KCNIP1: variants seen among roughly 807,000 people sequenced by gnomAD.
KCNIP1 encodes A-type potassium channel modulatory protein KCNIP1.
In KCNIP1, 18 loss-of-function variants were observed where a neutral mutation model predicts 33.0. The observed-to-expected ratio is 0.55, with a 90% CI of 0.38 to 0.81. The LOEUF is 0.81. Ranked by LOEUF, KCNIP1 falls within the 30% of genes least tolerant of loss-of-function variation. The pLI, the probability that KCNIP1 is intolerant of heterozygous loss-of-function variation, is 0.00. For synonymous variants in KCNIP1, 93 were observed against 98.3 expected (o/e 0.95, Z 0.32); for missense variants, 238 against 271.6 (o/e 0.88, Z 0.87).
intron 1 of KCNIP1, among the ~76,000 whole-genome samples, chr5:170,557,498 C>T (rs1319684888): frequency 6.6e-6 from 1 of 152,158 alleles, no homozygotes; most frequent in South Asian, 2.1e-4. Context: ...GAGCCTCCTG[C>T]TGTGTCCCAA....
At chr5:170,621,290 T>G (rs1463054509) in intron 1 of KCNIP1, among the ~76,000 whole-genome samples, 1 of 152,160 alleles carries the variant, frequency 6.6e-6, no homozygotes, top group Non-Finnish European at 1.5e-5. Flanking sequence ...GTTGAGATTT[T>G]TATCATCATT....
intron 1 of KCNIP1, among the ~76,000 whole-genome samples, chr5:170,387,873 T>C (rs757961288): frequency 3.3e-5 from 5 of 152,234 alleles, no homozygotes; most frequent in African/African-American, 9.6e-5. Flanking sequence ...CCACCCCAGA[T>C]ACTGTGAGAC....
intron 1 of KCNIP1, among the ~76,000 whole-genome samples, chr5:170,533,505 C>A (rs1755858982): frequency 6.6e-6 from 1 of 152,192 alleles, no homozygotes; most frequent in African/African-American, 2.4e-5. Flanking sequence ...GAGCCTTAAC[C>A]ACTGGGCTGT....
chr5:170,451,646 A>T (rs1483892179), intron 1 of KCNIP1, among the ~76,000 whole-genome samples: 1 of 151,636 alleles, frequency 6.6e-6, no homozygotes, highest in Non-Finnish European at 1.5e-5. Flanking sequence ...TGTATTTCTG[A>T]TAGGGAGCAT....
chr5:170,554,140 T>A (rs1015664941), intron 1 of KCNIP1, among the ~76,000 whole-genome samples: 1 of 152,140 alleles, frequency 6.6e-6, no homozygotes, highest in Non-Finnish European at 1.5e-5. Context: ...CAAAGTTTTT[T>A]TTTTTAATTT....
chr5:170,600,358 A>G (rs868535695), intron 1 of KCNIP1, among the ~76,000 whole-genome samples: 5 of 152,304 alleles, frequency 3.3e-5, no homozygotes, highest in African/African-American at 7.2e-5. Flanking sequence ...GCTTTAGCAC[A>G]GCTGTTCCCT....
intron 1 of KCNIP1, among the ~76,000 whole-genome samples, chr5:170,577,769 A>C (rs887737515): frequency 1.2e-4 from 19 of 152,236 alleles, no homozygotes; most frequent in African/African-American, 4.3e-4. Flanking sequence ...AGAAATGAGC[A>C]CATTTATAAG....
intron 1 of KCNIP1, among the ~76,000 whole-genome samples, chr5:170,513,684 G>C (rs1288826707): frequency 6.6e-6 from 1 of 152,206 alleles, no homozygotes; most frequent in Non-Finnish European, 1.5e-5. Context: ...TGCAACTAGA[G>C]ACTTGCCTGC....
rs117756015 is a variant in KCNIP1, at chr5:170,608,318, G to A, written c.61+103685G>A. Among the ~76,000 whole-genome samples, 10 of 152,304 alleles carry A rather than the reference G, an allele frequency of 6.6e-5. No individual in the cohort carries two copies. The East Asian group carries it at 1.5e-3, about 23-fold the overall frequency. Reference sequence around the variant, plus strand: ...CCAACTCTGGGGCAGCAGATCTTTTGGGCTTCATGTCATAGTATTGTAAAG... The same window carrying A: ...CCAACTCTGGGGCAGCAGATCTTTTAGGCTTCATGTCATAGTATTGTAAAG... On this transcript the variant is annotated intron_variant, in intron 1 of 7. Coordinates refer to ENST00000328939, the MANE Select transcript of KCNIP1 (RefSeq NM_014592.4).
At chr5:170,421,459 C>T (rs114447994) in intron 1 of KCNIP1, among the ~76,000 whole-genome samples, 1 of 152,118 alleles carries the variant, frequency 6.6e-6, no homozygotes, top group African/African-American at 2.4e-5. Flanking sequence ...GCCTTATATA[C>T]CATAGAAATG....
chr5:170,627,819 G>A (rs114270007), intron 1 of KCNIP1, among the ~76,000 whole-genome samples: 5,008 of 152,310 alleles, frequency 0.033, 110 homozygotes, highest in Non-Finnish European at 0.047. Context: ...CTCCTGCTTC[G>A]AGGGACAGGG....
chr5:170,707,787 G>GT lies in KCNIP1; in HGVS notation c.62-10960dup, dbSNP rs550563025. On this transcript the variant is annotated intron_variant, in intron 1 of 7. Coordinates refer to ENST00000328939, the MANE Select transcript of KCNIP1 (RefSeq NM_014592.4). ...CTAATGGAAGCAGAAACACTCAAAG[G>GT]TTTTTTTTTTTGGACTCCCTTTTTC... 7.2e-3 allele frequency among the ~76,000 whole-genome samples: 1,042 copies of GT among 145,210 alleles called. 8 individuals carry two copies. Among genetic ancestry groups the GT allele is most frequent in the Non-Finnish European group, 6.9e-3 (451 of 65,650 alleles).
At chr5:170,590,743 C>G (rs1384222249) in intron 1 of KCNIP1, among the ~76,000 whole-genome samples, 1 of 152,250 alleles carries the variant, frequency 6.6e-6, no homozygotes, top group Non-Finnish European at 1.5e-5. Flanking sequence ...CTGTAACAAA[C>G]AGCCCCAAGT....
At chr5:170,402,707 T>C (rs1754939201) in intron 1 of KCNIP1, among the ~76,000 whole-genome samples, 1 of 152,192 alleles carries the variant, frequency 6.6e-6, no homozygotes, top group South Asian at 2.1e-4. Flanking sequence ...CAAGGGAGTC[T>C]GGGAAATGTA....
chr5:170,405,074 C>T (rs1167666471), intron 1 of KCNIP1, among the ~76,000 whole-genome samples: 1 of 152,138 alleles, frequency 6.6e-6, no homozygotes, highest in African/African-American at 2.4e-5. Context: ...TGGATTCAAC[C>T]AGGCATAAAT....
intron 1 of KCNIP1, among the ~76,000 whole-genome samples, chr5:170,633,232 C>T (rs1180219173): frequency 2.0e-5 from 3 of 151,816 alleles, no homozygotes; most frequent in African/African-American, 7.3e-5. Flanking sequence ...CGGGACCCTC[C>T]GAAGTGGGAG....
intron 1 of KCNIP1, among the ~76,000 whole-genome samples, chr5:170,439,474 T>G: frequency 7.7e-6 from 1 of 130,408 alleles, no homozygotes. Context: ...CCTGGCACAA[T>G]GTGGGGGACG....
At chr5:170,706,412 C>A (rs2113845979) in intron 1 of KCNIP1, among the ~76,000 whole-genome samples, 1 of 152,238 alleles carries the variant, frequency 6.6e-6, no homozygotes, top group East Asian at 1.9e-4. Flanking sequence ...CTGAACTGGG[C>A]TGTGAAGGGA....
At chr5:170,471,335 A>C (rs1561640892) in intron 1 of KCNIP1, among the ~76,000 whole-genome samples, 1 of 152,084 alleles carries the variant, frequency 6.6e-6, no homozygotes. Flanking sequence ...TCTAAACAAC[A>C]CCCTCCCCAG....
Sources: gnomAD v4.1 joint callset for allele counts (sites outside exome capture counted in the v4.1 genomes callset) on GRCh38, gnomAD v4.1.1 for gene constraint, MANE v1.5 for transcripts, NCBI Gene and HGNC (gene_info 2026-07-23, HGNC 2026-07-21) for gene names.